The following RBM27 variants were observed in gnomAD, a reference collection of about 807,000 sequenced individuals.
RBM27 encodes the protein RNA-binding protein 27.
Under a neutral mutation model 135.3 loss-of-function variants are expected in RBM27, and 22 were observed. The ratio of observed to expected loss-of-function variants is 0.16; its 90% CI spans 0.12 to 0.23. The LOEUF is 0.23. Ranked by LOEUF, RBM27 falls within the 10% of genes least tolerant of loss-of-function variation. The pLI, the probability that RBM27 is intolerant of heterozygous loss-of-function variation, is 1.00. For synonymous variants in RBM27, 481 were observed against 442.4 expected, an observed-to-expected ratio of 1.09 and a Z score of -1.10; for missense variants, 1,009 against 1,281.0, an observed-to-expected ratio of 0.79 and a Z score of 3.24.
chr5:146,257,452 G>A (rs1390875095), intron 10 of RBM27, among the ~76,000 whole-genome samples: 1 of 152,128 alleles, frequency 6.6e-6, no homozygotes, highest in African/African-American at 2.4e-5. Flanking sequence ...GTGAACATTT[G>A]AATGCCTTCA....
intron 1 of RBM27, among the ~76,000 whole-genome samples, chr5:146,204,211 A>G (rs1336573879): frequency 1.3e-5 from 2 of 152,230 alleles, no homozygotes; most frequent in Non-Finnish European, 2.9e-5. Flanking sequence ...AGGGAATAGC[A>G]GAATATCAAG....
Position 146,246,249 on chromosome 5 carries a change from T to G in RBM27, c.1280-5462T>G, listed in dbSNP as rs75185581. On this transcript the variant is annotated intron_variant, in intron 8 of 20. Transcript: ENST00000265271. ...CTTAAAACTTAAAATTTTTTTCCTG[T>G]GAATACTCTTAAAGACAAAATCAGG... Among the ~76,000 whole-genome samples the G allele has an allele frequency of 5.9e-3, 902 of 152,268 alleles. 8 individuals are homozygous for G. The highest frequency in any genetic ancestry group is 0.02 in the African/African-American group (849 of 41,548).
rs1756907074 is a variant in RBM27, at chr5:146,231,031, A to G, written c.850+114A>G. The stretch of plus-strand genomic sequence containing the variant: ...AGTTTATTTTATTTTATCTTATTTT[A>G]TTTATTTTGAGACAGAGTCTTGCTC... On this transcript the variant is annotated intron_variant, in intron 6 of 20. Transcript: ENST00000265271. 1.0e-5 allele frequency: 13 copies of G among 1,265,162 alleles called. No individual in the cohort carries two copies. In the South Asian group the frequency reaches 1.7e-4, roughly 16 times the overall value. The allele number at this position is 1,265,162 out of a possible 1,614,324, so 78.4% of individuals were successfully genotyped here.
At chr5:146,238,787 A>G (rs1757277258) in intron 8 of RBM27, among the ~76,000 whole-genome samples, 1 of 152,002 alleles carries the variant, frequency 6.6e-6, no homozygotes, top group South Asian at 2.1e-4. Context: ...TGGAGAGGCA[A>G]TTCAGCAAAC....
intron 8 of RBM27, among the ~76,000 whole-genome samples, chr5:146,241,837 G>T (rs892467452): frequency 6.6e-6 from 1 of 152,104 alleles, no homozygotes; most frequent in African/African-American, 2.4e-5. Context: ...TTGTTATTTT[G>T]CCAGGTTAAG....
At chr5:146,264,654 T>TAAAAAAAAAAAAAAAA (rs35210934) in intron 14 of RBM27, among the ~76,000 whole-genome samples, 2 of 97,904 alleles carry the variant, frequency 2.0e-5, no homozygotes, top group Non-Finnish European at 2.1e-5. Context: ...CAAAGAGAGC[T>TAAAAAAAAAAAAAAAA]AAAAAAAAAA....
intron 14 of RBM27, among the ~76,000 whole-genome samples, chr5:146,266,947 GAAAACTTTAA>G (rs1486802033): frequency 6.6e-6 from 1 of 151,958 alleles, no homozygotes; most frequent in Non-Finnish European, 1.5e-5. Flanking sequence ...AAGAAGAAAG[GAAAACTTTAA>G]AAAAAGAACG....
intron 1 of RBM27, among the ~76,000 whole-genome samples, chr5:146,215,081 G>A (rs753593757): frequency 6.6e-6 from 1 of 151,964 alleles, no homozygotes; most frequent in African/African-American, 2.4e-5. Flanking sequence ...ACTGAGTCGC[G>A]CTCTATCGCC....
intron 1 of RBM27, among the ~76,000 whole-genome samples, chr5:146,211,800 C>T (rs540838263): frequency 1.3e-5 from 2 of 151,988 alleles, no homozygotes; most frequent in Non-Finnish European, 2.9e-5. Context: ...GAACACAGAT[C>T]TCAGAGTCAG....
chr5:146,270,929 C>A (rs746252664), intron 17 of RBM27, 25 bp from the exon 18 acceptor site: 2 of 1,480,364 alleles, frequency 1.4e-6, no homozygotes, highest in South Asian at 1.1e-5. Flanking sequence ...TAAAAAATAC[C>A]TTTTTATTTT....
rs547493721 is a variant in RBM27, at chr5:146,274,207, G to A, written c.2988+2533G>A. Among the ~76,000 whole-genome samples the A allele has an allele frequency of 2.7e-5, 4 of 149,740 alleles. No individual in the cohort carries two copies. The East Asian group carries it at 7.9e-4, about 29-fold the overall frequency. On this transcript the variant is annotated intron_variant, in intron 19 of 20. Transcript: ENST00000265271. Reference sequence around the variant, plus strand: ...CATTTCTCTATTTTCCATACTTCCTGAGGAACACATACTCCTTTTTTTTTT... The same window carrying A: ...CATTTCTCTATTTTCCATACTTCCTAAGGAACACATACTCCTTTTTTTTTT...
chr5:146,284,267 A>G (rs1759491446), intron 19 of RBM27, among the ~76,000 whole-genome samples: 1 of 152,172 alleles, frequency 6.6e-6, no homozygotes, highest in Non-Finnish European at 1.5e-5. Flanking sequence ...GAGTCTATAT[A>G]TGTAGATATC....
At chr5:146,231,164 G>T (rs1176247965) in intron 6 of RBM27, among the ~76,000 whole-genome samples, 1 of 152,106 alleles carries the variant, frequency 6.6e-6, no homozygotes, top group African/African-American at 2.4e-5. Flanking sequence ...CTCCCAGGTA[G>T]GCACCAACTC....
chr5:146,210,538 T>C (rs1027670693), intron 1 of RBM27, among the ~76,000 whole-genome samples: 2 of 151,980 alleles, frequency 1.3e-5, no homozygotes. Flanking sequence ...GGAGCCTGCT[T>C]GTTACCATGA....
At chr5:146,251,979 C>A in intron 9 of RBM27, 104 bp downstream of exon 9, 1 of 1,241,562 alleles carries the variant, frequency 8.1e-7, no homozygotes, top group Non-Finnish European at 1.1e-6. Context: ...TACAAAGTCC[C>A]ATTAAAGCTC....
At chr5:146,235,008 G>T (rs1757096412) in intron 7 of RBM27, among the ~76,000 whole-genome samples, 1 of 145,438 alleles carries the variant, frequency 6.9e-6, no homozygotes, top group Admixed American at 7.0e-5. Context: ...TTCTAGCCTG[G>T]GTGACAGAGC....
At chr5:146,208,525 C>T (rs956384898) in intron 1 of RBM27, among the ~76,000 whole-genome samples, 4 of 152,190 alleles carry the variant, frequency 2.6e-5, no homozygotes, top group Non-Finnish European at 4.4e-5. Context: ...TTGTCTCTTT[C>T]CCTACAGCTG....
intron 6 of RBM27, among the ~76,000 whole-genome samples, chr5:146,231,939 T>G (rs1013368121): frequency 2.8e-4 from 42 of 152,186 alleles, no homozygotes; most frequent in Admixed American, 5.2e-4. Flanking sequence ...TTTTGAGTAG[T>G]GTTTGCTGCC....
At chr5:146,242,263 T>C (rs1757437202) in intron 8 of RBM27, among the ~76,000 whole-genome samples, 1 of 152,196 alleles carries the variant, frequency 6.6e-6, no homozygotes, top group East Asian at 1.9e-4. Context: ...TTTTATGAAA[T>C]AGCACTACAT....
Sources: gnomAD v4.1 joint callset for allele counts (sites outside exome capture counted in the v4.1 genomes callset) on GRCh38, gnomAD v4.1.1 for gene constraint, MANE v1.5 for transcripts, NCBI Gene and HGNC (gene_info 2026-07-23, HGNC 2026-07-21) for gene names.